The following CTSZ variants were observed in gnomAD, a reference collection of about 807,000 sequenced individuals.
The protein encoded by CTSZ is carboxypeptidase LB.
CTSZ carries 39 observed loss-of-function variants against 32.4 expected under a neutral mutation model. The ratio of observed to expected loss-of-function variants is 1.20; its 90% confidence interval spans 0.93 to 1.57. CTSZ has a LOEUF of 1.57. CTSZ is among the 40% of genes most tolerant of loss of function. The pLI is 0.00. For synonymous variants in CTSZ, 168 were observed against 170.1 expected (o/e 0.99, Z 0.10); for missense variants, 397 against 419.6 (o/e 0.95, Z 0.47).
At chr20:59,003,073 C>T (rs193007521) in intron 2 of CTSZ, among the ~76,000 whole-genome samples, 1 of 152,308 alleles carries the variant, frequency 6.6e-6, no homozygotes, top group East Asian at 1.9e-4. Context: ...CACTGTCATC[C>T]GAGCTGACCA....
At position 59,002,858 on chromosome 20, in the gene CTSZ, T is replaced by C. The variant is rs1014397144; in HGVS notation, c.308-1214A>G. ...GGACTTGGCTCCCTCCAGCTTTCCT[T>C]CTCCCCGCTCCCTTGTCAGCTATGC... On this transcript the variant is annotated intron_variant, in intron 2 of 5. Coordinates refer to ENST00000217131, the MANE Select transcript of CTSZ (RefSeq NM_001336.4). This position sits in a 1 kb window ranked among gnomAD's most constrained non-coding sequence, Gnocchi z 4.1. Among the ~76,000 whole-genome samples the C allele has an allele frequency of 6.6e-6, 1 of 151,816 alleles. No individual in the cohort carries two copies. The highest frequency in any genetic ancestry group is 2.4e-5 in the African/African-American group (1 of 41,288).
At chr20:59,000,068 CAAA>C (rs756514968) in intron 3 of CTSZ, among the ~76,000 whole-genome samples, 4 of 68,960 alleles carry the variant, frequency 5.8e-5, no homozygotes, top group Admixed American at 4.3e-4. Context: ...GACTCCGTCT[CAAA>C]AAAAAAAAAC....
chr20:59,007,006 C>T lies in CTSZ; in HGVS notation c.123G>A (p.Gly41=). 1.4e-6 allele frequency: 2 copies of T among 1,469,392 alleles called. No individual in the cohort carries two copies. Among genetic ancestry groups the T allele is most frequent in the Non-Finnish European group, 8.9e-7 (1 of 1,117,646 alleles). The allele number at this position is 1,469,392 out of a possible 1,614,324, so 91.0% of individuals were successfully genotyped here. A position where few individuals can be genotyped will look rare whatever the true frequency, so the allele number is the denominator to read the frequency against. The change falls in exon 1 of 6, where the codon GGG becomes GGA. Residue 41 remains glycine (G), a synonymous_variant. Transcript: ENST00000217131. ...QTCYRPLRGD[G]LAPLGRSTYP... The stretch of plus-strand genomic sequence containing the variant: ...CCCACCTGCGCCCCAGCGGAGCCAG[C>T]CCGTCCCCCCGCAGAGGCCGGTAGC...
chr20:59,000,103 C>G (rs999202000), intron 3 of CTSZ, among the ~76,000 whole-genome samples: 3 of 150,854 alleles, frequency 2.0e-5, no homozygotes, highest in Non-Finnish European at 2.9e-5. Context: ...TATGGCCGGG[C>G]GCAGCAGCTC....
At chr20:59,006,514 G>A in intron 1 of CTSZ, 29 bp from the exon 2 acceptor site, 1 of 1,587,030 alleles carries the variant, frequency 6.3e-7, no homozygotes, top group South Asian at 1.1e-5. Context: ...CACCCAGATC[G>A]GTGCTGGGGC....
chr20:59,005,703 C>G lies in CTSZ; in HGVS notation c.307+619G>C, dbSNP rs547802274. 1.6e-4 allele frequency among the ~76,000 whole-genome samples: 25 copies of G among 152,326 alleles called. 1 individual carries two copies. In the South Asian group the frequency reaches 3.7e-3, roughly 23 times the overall value. On this transcript the variant is annotated intron_variant, in intron 2 of 5. Transcript: ENST00000217131. ...GGAGAGGGGATAGCAGAGTCCCTTCCAAATGCTGTGGGGTGGGCCTGGGGC... is the reference window on the plus strand; with the variant it reads ...GGAGAGGGGATAGCAGAGTCCCTTCGAAATGCTGTGGGGTGGGCCTGGGGC...
rs1282303887 is a variant in CTSZ at position 59,004,889 on chromosome 20, G to C, written c.307+1433C>G. On this transcript the variant is annotated intron_variant, in intron 2 of 5. Coordinates refer to ENST00000217131, the MANE Select transcript of CTSZ (RefSeq NM_001336.4). The surrounding 1 kb of genome is among the most constrained non-coding windows in gnomAD (Gnocchi z 5.6). The stretch of plus-strand genomic sequence containing the variant: ...TGCGGCAGGGCTGACCCCTGGCCAG[G>C]GTCCCACATCCATCTGAAAGCCATC... Among the ~76,000 whole-genome samples the C allele has an allele frequency of 6.6e-6, 1 of 151,954 alleles. No individual in the cohort carries two copies. Among genetic ancestry groups the C allele is most frequent in the African/African-American group, 2.4e-5 (1 of 41,334 alleles).
chr20:58,996,153 T>G (rs188705123), intron 5 of CTSZ, among the ~76,000 whole-genome samples: 2 of 152,340 alleles, frequency 1.3e-5, no homozygotes, highest in Admixed American at 6.5e-5. Context: ...AAATTATTAA[T>G]GGCTAAGACT....
Position 59,004,722 on chromosome 20 carries a change from C to A in CTSZ, c.307+1600G>T, listed in dbSNP as rs544225607. Among the ~76,000 whole-genome samples the A allele has an allele frequency of 6.6e-6, 1 of 152,070 alleles. No homozygotes were observed. Among genetic ancestry groups the A allele is most frequent in the African/African-American group, 2.4e-5 (1 of 41,490 alleles). ...TGCCTTGGCTGGCAAATGGCCAGGGCCCCGTGGAAGTCCCCTTCTGGTGGC... is the reference window on the plus strand; with the variant it reads ...TGCCTTGGCTGGCAAATGGCCAGGGACCCGTGGAAGTCCCCTTCTGGTGGC... On this transcript the variant is annotated intron_variant, in intron 2 of 5. Coordinates refer to ENST00000217131, the MANE Select transcript of CTSZ (RefSeq NM_001336.4). The surrounding 1 kb of genome is among the most constrained non-coding windows in gnomAD (Gnocchi z 5.6).
At chr20:58,998,712 A>C (rs1216854883) in intron 3 of CTSZ, among the ~76,000 whole-genome samples, 1 of 152,114 alleles carries the variant, frequency 6.6e-6, no homozygotes, top group Non-Finnish European at 1.5e-5. Context: ...AAATTTTATA[A>C]ATTAATTTAA....
chr20:59,001,744 C>T (rs1284379911), intron 2 of CTSZ, 100 bp from the exon 3 acceptor site: 4 of 1,254,506 alleles, frequency 3.2e-6, no homozygotes. Context: ...GCTGCCCAGC[C>T]TGGCCTGCCT....
chr20:59,004,763 A>G lies in CTSZ; in HGVS notation c.307+1559T>C, dbSNP rs968991791. Among the ~76,000 whole-genome samples the G allele has an allele frequency of 2.0e-5, 3 of 151,974 alleles. No homozygotes were observed. The highest frequency in any genetic ancestry group is 4.4e-5 in the Non-Finnish European group (3 of 67,982). ...TTCTGGTGGCTTCTATTCCTCAGTG[A>G]AAGAGGAAGCGAGTGCCTGGGCCTG... On this transcript the variant is annotated intron_variant, in intron 2 of 5. Coordinates refer to ENST00000217131, the MANE Select transcript of CTSZ (RefSeq NM_001336.4). The surrounding 1 kb of genome is among the most constrained non-coding windows in gnomAD (Gnocchi z 5.6).
chr20:59,001,733 C>T (rs1473042390), intron 2 of CTSZ, 89 bp from the exon 3 acceptor site: 21 of 1,388,416 alleles, frequency 1.5e-5, no homozygotes, highest in South Asian at 1.2e-4. Flanking sequence ...GGGATGCAGG[C>T]GCTGCCCAGC....
chr20:59,000,824 C>A (rs1023408046), intron 3 of CTSZ, among the ~76,000 whole-genome samples: 38 of 146,584 alleles, frequency 2.6e-4, no homozygotes, highest in African/African-American at 9.2e-4. Context: ...GGGACAGGGC[C>A]GGTATTTTTT....
chr20:58,996,342 C>T lies in CTSZ; in HGVS notation c.801+297G>A, dbSNP rs149922606. 2.4e-3 allele frequency among the ~76,000 whole-genome samples: 368 copies of T among 152,340 alleles called. 1 individual carries two copies. Among genetic ancestry groups the T allele is most frequent in the African/African-American group, 8.3e-3 (345 of 41,576 alleles). The stretch of plus-strand genomic sequence containing the variant: ...AGTGCTCACAGGGACTTCCCCAGGG[C>T]ACCAGGCACCATCTGGAGACGGTTT... On this transcript the variant is annotated intron_variant, in intron 5 of 5. Coordinates refer to ENST00000217131, the MANE Select transcript of CTSZ (RefSeq NM_001336.4).
At chr20:59,005,660 G>A (rs1298457525) in intron 2 of CTSZ, among the ~76,000 whole-genome samples, 1 of 152,224 alleles carries the variant, frequency 6.6e-6, no homozygotes, top group Non-Finnish European at 1.5e-5. Context: ...CCAGGCTCCT[G>A]GACCCTGTGC....
At chr20:59,005,371 CTAT>C (rs1252601121) in intron 2 of CTSZ, among the ~76,000 whole-genome samples, 2 of 152,198 alleles carry the variant, frequency 1.3e-5, no homozygotes, top group African/African-American at 4.8e-5. Flanking sequence ...GTCACTCACA[CTAT>C]GCTCAAGCCT....
In CTSZ at chr20:59,001,607, G is replaced by T; in HGVS notation, c.345C>A (p.Ser115=). Residue 115 remains serine (S), a synonymous_variant, in exon 3 of 6, where the codon TCC becomes TCA. Transcript: ENST00000217131. The part of the protein sequence containing the change: ...INIKRKGAWP[S]TLLSVQNVID... ...TGACGTTCTGCACGGACAGGAGGGT[G>T]GAGGGCCACGCTCCCTTCCTCTTGA... 6.2e-7 allele frequency: 1 copy of T among 1,614,178 alleles called. No homozygotes were observed. Among genetic ancestry groups the T allele is most frequent in the Non-Finnish European group, 8.5e-7 (1 of 1,179,996 alleles).
At chr20:58,997,065 G>C (rs1323533277) in intron 4 of CTSZ, among the ~76,000 whole-genome samples, 1 of 151,572 alleles carries the variant, frequency 6.6e-6, no homozygotes, top group African/African-American at 2.4e-5. Context: ...AGGGGGCTGA[G>C]GCGGGAGGAT....
Sources: gnomAD v4.1 joint callset for allele counts (sites outside exome capture counted in the v4.1 genomes callset) on GRCh38, gnomAD v4.1.1 for gene constraint, Gnocchi (gnomAD v3.1) non-coding constraint, MANE v1.5 for transcripts, NCBI Gene and HGNC (gene_info 2026-07-23, HGNC 2026-07-21) for gene names.